Variants in ZCCHC14 observed in about 807,000 individuals in gnomAD.
ZCCHC14 encodes zinc finger CCHC domain-containing protein 14.
A neutral mutation model predicts 85.0 loss-of-function variants in ZCCHC14; 16 were observed. The ratio of observed to expected loss-of-function variants is 0.19; its 90% CI spans 0.13 to 0.29. The LOEUF (loss-of-function observed/expected upper bound fraction) is 0.29, where lower values mean the gene tolerates loss of function less well. ZCCHC14 is among the 10% of genes least tolerant of loss of function. The probability of loss-of-function intolerance (pLI) is 1.00; values close to 1 mark genes in which losing one functional copy is unlikely to be tolerated. For missense variants in ZCCHC14, 1,303 were observed against 1,443.5 expected (o/e 0.90, Z 1.58); for synonymous variants, 775 against 630.7 (o/e 1.23, Z -3.43).
intron 1 of ZCCHC14, among the ~76,000 whole-genome samples, chr16:87,462,307 A>AATG: frequency 6.6e-6 from 1 of 152,218 alleles, no homozygotes; most frequent in African/African-American, 2.4e-5. Context: ...AGAACCCAGA[A>AATG]ATGAACTCCT....
chr16:87,412,465 G>T lies in ZCCHC14; in HGVS notation c.2256C>A (p.Val752=). Reference sequence around the variant, plus strand: ...CCGTGGCGGCCGTGCTGGTCTCCACGACCAGGGCCGGTTGCTGTGCTGTCT... The same window carrying T: ...CCGTGGCGGCCGTGCTGGTCTCCACTACCAGGGCCGGTTGCTGTGCTGTCT... ...VLKTAQQPAL[V]VETSTAATGT... is the part of the protein sequence containing the mutation. The change falls in exon 12 of 13, where the codon GTC becomes GTA. Residue 752 remains valine, a synonymous_variant. Transcript: ENST00000671377. The T allele has an allele frequency of 6.2e-7, 1 of 1,613,876 alleles. No homozygotes were observed. The highest frequency in any genetic ancestry group is 8.5e-7 in the Non-Finnish European group (1 of 1,179,976).
At chr16:87,457,777 C>CT (rs1911046895) in intron 2 of ZCCHC14, among the ~76,000 whole-genome samples, 1 of 152,116 alleles carries the variant, frequency 6.6e-6, no homozygotes, top group Non-Finnish European at 1.5e-5. Context: ...ATAACCTGCA[C>CT]CCAACAGAAT....
chr16:87,458,716 T>C (rs191702360), intron 2 of ZCCHC14, among the ~76,000 whole-genome samples: 2 of 152,060 alleles, frequency 1.3e-5, no homozygotes, highest in African/African-American at 4.8e-5. Flanking sequence ...TGCGGGGCGG[T>C]TGGGGGAGAG....
chr16:87,438,206 A>G (rs533555693), intron 2 of ZCCHC14, among the ~76,000 whole-genome samples: 219 of 152,382 alleles, frequency 1.4e-3, no homozygotes, highest in Non-Finnish European at 2.5e-3. Context: ...CCCACTGCAC[A>G]GGAGGAATGC....
chr16:87,415,603 G>C (rs1466655776), intron 8 of ZCCHC14, among the ~76,000 whole-genome samples: 2 of 152,178 alleles, frequency 1.3e-5, no homozygotes, highest in Admixed American at 6.5e-5. Context: ...GGCTCCTCCA[G>C]GGCACCTTCT....
Position 87,491,608 on chromosome 16 carries a change from G to A in ZCCHC14, c.570+61C>T. On this transcript the variant is annotated intron_variant, in intron 1 of 12. Transcript: ENST00000671377. The surrounding 1 kb of genome is among the most constrained non-coding windows in gnomAD (Gnocchi z 5.9). ...GGGTCGCGGTGCAGGCTGGAGGCTT[G>A]GAGTGCAGAGTTGGGGATGCAGACT... The A allele has an allele frequency of 7.5e-7, 1 of 1,332,348 alleles. No individual in the cohort carries two copies. Among genetic ancestry groups the A allele is most frequent in the Non-Finnish European group, 9.6e-7 (1 of 1,040,170 alleles). 82.5% of individuals were successfully genotyped at this position (1,332,348 alleles called of 1,614,324 possible).
chr16:87,469,965 C>T (rs1264127071), intron 1 of ZCCHC14, among the ~76,000 whole-genome samples: 1 of 152,202 alleles, frequency 6.6e-6, no homozygotes, highest in Non-Finnish European at 1.5e-5. Context: ...ACTTGCCAGG[C>T]ACAGTGGCTC....
At position 87,466,746 on chromosome 16, in the gene ZCCHC14, C is replaced by G. The variant is rs145198041; in HGVS notation, c.571-6615G>C. On this transcript the variant is annotated intron_variant, in intron 1 of 12. Transcript: ENST00000671377. ...CTGTGACCAAGTCACAGGTACTGTTCGTATGACTGTGGATTCCTGCCTGCT... is the reference window on the plus strand; with the variant it reads ...CTGTGACCAAGTCACAGGTACTGTTGGTATGACTGTGGATTCCTGCCTGCT... Among the ~76,000 whole-genome samples, 378 of 152,230 alleles carry G rather than the reference C, an allele frequency of 2.5e-3. 3 individuals are homozygous for G. Among genetic ancestry groups the G allele is most frequent in the Admixed American group, 5.2e-3 (80 of 15,294 alleles).
At position 87,477,136 on chromosome 16, in the gene ZCCHC14, A is replaced by C. The variant is rs1286369869; in HGVS notation, c.570+14533T>G. 1.6e-4 allele frequency among the ~76,000 whole-genome samples: 23 copies of C among 143,300 alleles called. 1 individual carries two copies. Among genetic ancestry groups the C allele is most frequent in the Admixed American group, 9.6e-4 (14 of 14,536 alleles). The allele number at this position is 143,300 out of a possible 152,430, so 94.0% of individuals were successfully genotyped here. On this transcript the variant is annotated intron_variant, in intron 1 of 12. Transcript: ENST00000671377. ...ACTCAGTCTCAAAAAAAAAAAAAAA[A>C]AAAAACAAAACAAAACCAAAAAAAA...
chr16:87,424,308 C>A (rs895039598), intron 3 of ZCCHC14, among the ~76,000 whole-genome samples: 1 of 152,192 alleles, frequency 6.6e-6, no homozygotes, highest in Admixed American at 6.5e-5. Flanking sequence ...GGTGCGCCCG[C>A]CCAGGTGCTG....
intron 1 of ZCCHC14, among the ~76,000 whole-genome samples, chr16:87,480,945 G>A (rs766259098): frequency 2.6e-5 from 4 of 152,200 alleles, no homozygotes; most frequent in Non-Finnish European, 4.4e-5. Flanking sequence ...AGGTGTGTAC[G>A]GACAGGCAGG....
chr16:87,441,150 G>A (rs1463093487), intron 2 of ZCCHC14, among the ~76,000 whole-genome samples: 3 of 151,778 alleles, frequency 2.0e-5, no homozygotes, highest in South Asian at 4.2e-4. Flanking sequence ...CCGCCACCAC[G>A]CCCAGCTAAT....
chr16:87,420,126 G>A lies in ZCCHC14; in HGVS notation c.951-249C>T, dbSNP rs1004404153. Among the ~76,000 whole-genome samples the A allele has an allele frequency of 1.3e-5, 2 of 152,166 alleles. No individual in the cohort carries two copies. The highest frequency in any genetic ancestry group is 2.1e-4 in the South Asian group (1 of 4,830). On this transcript the variant is annotated intron_variant, in intron 5 of 12. Coordinates refer to ENST00000671377, the MANE Select transcript of ZCCHC14 (RefSeq NM_015144.3). The surrounding 1 kb of genome is among the most constrained non-coding windows in gnomAD (Gnocchi z 5.0). ...GTTGACGACAGCAGTCATGCCCTGT[G>A]ACATGAGATCAGTGCCACCCACCAG... is the stretch of plus-strand genomic sequence containing the variant.
At chr16:87,434,278 T>G (rs1909805038) in intron 2 of ZCCHC14, among the ~76,000 whole-genome samples, 1 of 152,244 alleles carries the variant, frequency 6.6e-6, no homozygotes, top group African/African-American at 2.4e-5. Context: ...ATGCTGTAGT[T>G]TCTGACTCAG....
intron 3 of ZCCHC14, among the ~76,000 whole-genome samples, chr16:87,427,116 G>A (rs975305252): frequency 1.3e-5 from 2 of 152,240 alleles, no homozygotes; most frequent in South Asian, 4.1e-4. Flanking sequence ...CAGCTCCAGT[G>A]GAAACAGTGT....
At position 87,412,436 on chromosome 16, in the gene ZCCHC14, G is replaced by A. The variant is rs199995164; in HGVS notation, c.2285C>T (p.Thr762Met). The part of the protein sequence containing the change: ...VVETSTAATG[T>M]PSTVLHAARP... ...GGCGGCGTGGAGGACTGTGCTGGGC[G>A]TCCCCGTGGCGGCCGTGCTGGTCTC... The change falls in exon 12 of 13, where the codon ACG (threonine) becomes ATG (methionine). Residue 762 changes from threonine to methionine, a missense_variant. By Grantham distance (81) the Thr-to-Met change is moderately conservative (BLOSUM62 -1). Transcript: ENST00000671377. 12 of 1,614,026 alleles carry A rather than the reference G, an allele frequency of 7.4e-6. No individual in the cohort carries two copies. The highest frequency in any genetic ancestry group is 5.0e-5 in the Admixed American group (3 of 60,034).
At chr16:87,478,669 C>T (rs182203795) in intron 1 of ZCCHC14, among the ~76,000 whole-genome samples, 2,539 of 151,716 alleles carry the variant, frequency 0.017, 26 homozygotes, top group Middle Eastern at 0.048. Context: ...TGCAGTGGCG[C>T]CATCTTGGCT....
intron 1 of ZCCHC14, among the ~76,000 whole-genome samples, chr16:87,481,526 C>G (rs1296457895): frequency 4.1e-4 from 1 of 2,432 alleles, no homozygotes; most frequent in Non-Finnish European, 8.0e-4. Context: ...GGGAGAGAAA[C>G]GGGGGGGGGG....
chr16:87,464,255 G>A (rs1199832838), intron 1 of ZCCHC14, among the ~76,000 whole-genome samples: 3 of 152,170 alleles, frequency 2.0e-5, no homozygotes, highest in East Asian at 1.9e-4. Context: ...TCTCGGCCTC[G>A]ACAGCACACT....
Sources: gnomAD v4.1 joint callset for allele counts (sites outside exome capture counted in the v4.1 genomes callset) on GRCh38, gnomAD v4.1.1 for gene constraint, Gnocchi (gnomAD v3.1) non-coding constraint, MANE v1.5 for transcripts, NCBI Gene and HGNC (gene_info 2026-07-23, HGNC 2026-07-21) for gene names.